The following FAM83B variants were observed in gnomAD, a reference collection of about 807,000 sequenced individuals.
FAM83B encodes scaffolding CK1 anchoring protein B.
Under a neutral mutation model 38.8 loss-of-function variants are expected in FAM83B, and 26 were observed. That is an observed-to-expected ratio of 0.67 (90% CI 0.49 to 0.93). The LOEUF (loss-of-function observed/expected upper bound fraction) is 0.93. Among genes scored for constraint, FAM83B ranks in the 40% least tolerant of loss-of-function variants. The probability of loss-of-function intolerance (pLI) is 0.00; values close to 1 mark genes in which losing one functional copy is unlikely to be tolerated. For synonymous variants in FAM83B, 419 were observed against 423.1 expected, an observed-to-expected ratio of 0.99 and a Z score of 0.12; for missense variants, 1,237 against 1,197.3, an observed-to-expected ratio of 1.03 and a Z score of -0.49.
intron 2 of FAM83B, among the ~76,000 whole-genome samples, chr6:54,908,255 T>G (rs773171141): frequency 2.0e-5 from 3 of 152,110 alleles, no homozygotes; most frequent in Non-Finnish European, 4.4e-5. Flanking sequence ...TATTCCCTTA[T>G]GTTTTTTCTT....
chr6:54,917,369 G>C (rs1773068730), intron 2 of FAM83B, among the ~76,000 whole-genome samples: 1 of 151,930 alleles, frequency 6.6e-6, no homozygotes, highest in African/African-American at 2.4e-5. Flanking sequence ...CTAACCCAGA[G>C]GTTTTATTTA....
At chr6:54,905,467 T>C (rs1208262900) in intron 2 of FAM83B, among the ~76,000 whole-genome samples, 1 of 152,218 alleles carries the variant, frequency 6.6e-6, no homozygotes, top group Non-Finnish European at 1.5e-5. Context: ...AATTAACATA[T>C]CTTTCACCTC....
chr6:54,896,138 G>C (rs1199074628), intron 2 of FAM83B, among the ~76,000 whole-genome samples: 2 of 152,014 alleles, frequency 1.3e-5, no homozygotes, highest in Admixed American at 1.3e-4. Context: ...GATCCCCCCT[G>C]CTTGGCCTCC....
intron 1 of FAM83B, among the ~76,000 whole-genome samples, chr6:54,860,813 T>C (rs893801796): frequency 1.3e-5 from 2 of 152,220 alleles, no homozygotes; most frequent in Non-Finnish European, 2.9e-5. Context: ...GACCTAATAC[T>C]TAAAATCTAA....
intron 2 of FAM83B, among the ~76,000 whole-genome samples, chr6:54,920,704 T>C (rs1773147589): frequency 6.6e-6 from 1 of 151,944 alleles, no homozygotes; most frequent in South Asian, 2.1e-4. Flanking sequence ...TTCTTATCAC[T>C]GGTTTCTACC....
Position 54,857,422 on chromosome 6 carries a change from G to A in FAM83B, c.-61+10596G>A, listed in dbSNP as rs980406683. ...AATTATACTACATTTCTGAAACTGA[G>A]GTTGAACGAGACTGAACCCTGCTTC... On this transcript the variant is annotated intron_variant, in intron 1 of 4. Coordinates refer to ENST00000306858, the MANE Select transcript of FAM83B (RefSeq NM_001010872.3). Among the ~76,000 whole-genome samples, 4 of 152,166 alleles carry A rather than the reference G, an allele frequency of 2.6e-5. 1 individual carries two copies. The East Asian group carries it at 7.7e-4, about 29-fold the overall frequency.
chr6:54,864,808 C>T lies in FAM83B; in HGVS notation c.-60-5379C>T, dbSNP rs186992440. Among the ~76,000 whole-genome samples, 352 of 152,216 alleles carry T rather than the reference C, an allele frequency of 2.3e-3. 2 individuals carry two copies. Among genetic ancestry groups the T allele is most frequent in the African/African-American group, 7.9e-3 (326 of 41,526 alleles). The stretch of plus-strand genomic sequence containing the variant: ...TATGAAAGAGATGTTCTGAAACAAT[C>T]CTTTATGAAACATTTTCTTACATTA... On this transcript the variant is annotated intron_variant, in intron 1 of 4. Transcript: ENST00000306858.
chr6:54,906,661 G>C (rs1174514653), intron 2 of FAM83B, among the ~76,000 whole-genome samples: 1 of 152,106 alleles, frequency 6.6e-6, no homozygotes, highest in Non-Finnish European at 1.5e-5. Context: ...TGAGATTACA[G>C]GCGTGAACCA....
chr6:54,938,204 TC>T (rs1268844694), intron 4 of FAM83B, among the ~76,000 whole-genome samples: 1 of 152,170 alleles, frequency 6.6e-6, no homozygotes, highest in African/African-American at 2.4e-5. Context: ...ATTATTTTGT[TC>T]CTTTTTATGG....
intron 1 of FAM83B, among the ~76,000 whole-genome samples, chr6:54,861,307 C>A (rs1227295955): frequency 1.3e-5 from 2 of 152,234 alleles, no homozygotes; most frequent in Non-Finnish European, 2.9e-5. Flanking sequence ...GTAATCCCAG[C>A]ACTTTGGGAA....
At chr6:54,895,020 A>G (rs1485595517) in intron 2 of FAM83B, among the ~76,000 whole-genome samples, 1 of 152,190 alleles carries the variant, frequency 6.6e-6, no homozygotes, top group East Asian at 1.9e-4. Flanking sequence ...AGAGACTGAG[A>G]TTTCAAGAGG....
intron 1 of FAM83B, among the ~76,000 whole-genome samples, chr6:54,854,987 C>A (rs1415469224): frequency 1.3e-5 from 2 of 152,190 alleles, no homozygotes; most frequent in Non-Finnish European, 2.9e-5. Flanking sequence ...CTTCTCTTGG[C>A]ATGTACAGTG....
At chr6:54,924,217 GCA>G (rs1292301892) in intron 2 of FAM83B, among the ~76,000 whole-genome samples, 3 of 139,440 alleles carry the variant, frequency 2.2e-5, no homozygotes, top group African/African-American at 5.4e-5. Context: ...ACACACACAC[GCA>G]CACACCACAT....
rs1773733676 is a variant in FAM83B at position 54,942,723 on chromosome 6, G to GTTTTTTTTTTTTTTTTTTTTTT, written c.*716_*717insTTTTTTTTTTTTTTTTTTTTTT. ...GTCCCCCTCTTACCCATAGGCTGCTGATTTTTTATAGTCATTCCTTACTTC... is the reference window on the plus strand; with the variant it reads ...GTCCCCCTCTTACCCATAGGCTGCTGTTTTTTTTTTTTTTTTTTTTTTATTTTTTATAGTCATTCCTTACTTC... On this transcript the variant is annotated 3_prime_UTR_variant, in exon 5 of 5. Transcript: ENST00000306858. Among the ~76,000 whole-genome samples the GTTTTTTTTTTTTTTTTTTTTTT allele has an allele frequency of 1.3e-5, 2 of 151,782 alleles. No homozygotes were observed. The highest frequency in any genetic ancestry group is 4.9e-5 in the African/African-American group (2 of 41,230).
Position 54,941,434 on chromosome 6 carries a change from C to T in FAM83B, c.2463C>T (p.Asp821=). 6.2e-7 allele frequency: 1 copy of T among 1,613,104 alleles called. No homozygotes were observed. Among genetic ancestry groups the T allele is most frequent in the Non-Finnish European group, 8.5e-7 (1 of 1,179,798 alleles). ...AAAATCAAAAACCAAAGAAATCAGA[C>T]ACAAAAGTTGATTCATCTCCTAGAA... The part of the protein sequence containing the change: ...GEENQKPKKS[D]TKVDSSPRRK... The change falls in exon 5 of 5, where the codon GAC becomes GAT. Residue 821 remains aspartate (D), a synonymous_variant. Transcript: ENST00000306858.
At chr6:54,891,748 A>G (rs1772407887) in intron 2 of FAM83B, among the ~76,000 whole-genome samples, 1 of 152,172 alleles carries the variant, frequency 6.6e-6, no homozygotes, top group Non-Finnish European at 1.5e-5. Flanking sequence ...GTATCTTGGA[A>G]TCACATAATG....
intron 1 of FAM83B, among the ~76,000 whole-genome samples, chr6:54,851,534 G>A (rs527974043): frequency 6.6e-6 from 1 of 152,058 alleles, no homozygotes; most frequent in Non-Finnish European, 1.5e-5. Flanking sequence ...GTGCCATGGC[G>A]TGATCTTGGC....
chr6:54,923,866 CTTTTT>C (rs71547979), intron 2 of FAM83B, among the ~76,000 whole-genome samples: 1 of 142,510 alleles, frequency 7.0e-6, no homozygotes, highest in East Asian at 2.0e-4. Flanking sequence ...TTTCTTTTTT[CTTTTT>C]TTTTTTTTAA....
chr6:54,893,272 G>A lies in FAM83B; in HGVS notation c.444+22582G>A, dbSNP rs551574793. Among the ~76,000 whole-genome samples, 669 of 152,186 alleles carry A rather than the reference G, an allele frequency of 4.4e-3. 8 individuals carry two copies. The highest frequency in any genetic ancestry group is 0.015 in the African/African-American group (638 of 41,508). ...TACAGTATATTTTCGAGGAGATCTA[G>A]TCTCTATTAGTAAGATAATATTTCT... On this transcript the variant is annotated intron_variant, in intron 2 of 4. Transcript: ENST00000306858.
Sources: allele counts gnomAD v4.1 joint callset (sites outside exome capture counted in the v4.1 genomes callset), GRCh38; gene constraint gnomAD v4.1.1; transcripts MANE v1.5; gene names NCBI Gene and HGNC (gene_info 2026-07-23, HGNC 2026-07-21).